SIRPG: variants seen among roughly 807,000 people sequenced by gnomAD.
The protein encoded by SIRPG is signal-regulatory protein gamma.
SIRPG carries 38 observed loss-of-function variants against 35.7 expected under a neutral mutation model. The ratio of observed to expected loss-of-function variants is 1.06; its 90% confidence interval spans 0.82 to 1.40. The LOEUF (loss-of-function observed/expected upper bound fraction) is 1.40, where lower values mean the gene tolerates loss of function less well. Ranked by LOEUF, SIRPG falls within the 40% of genes most tolerant of loss-of-function variation. The probability of loss-of-function intolerance (pLI) is 0.00; values close to 1 mark genes in which losing one functional copy is unlikely to be tolerated. For synonymous variants in SIRPG, 215 were observed against 190.4 expected, an observed-to-expected ratio of 1.13 and a Z score of -1.06; for missense variants, 519 against 483.0, an observed-to-expected ratio of 1.07 and a Z score of -0.70.
the SIRPG span, among the ~76,000 whole-genome samples, chr20:1,686,165 T>C: frequency 6.6e-6 from 1 of 152,202 alleles, no homozygotes; most frequent in Non-Finnish European, 1.5e-5. Context: ...CAGCTGCAGA[T>C]CCACAGAGAA....
rs114922972 is a variant in SIRPG, at chr20:1,635,490, C to T, written c.858G>A (p.Ser286=). 383 of 1,614,144 alleles carry T rather than the reference C, an allele frequency of 2.4e-4. No individual in the cohort carries two copies. The African/African-American group carries it at 4.7e-3, about 20-fold the overall frequency. The stretch of plus-strand genomic sequence containing the variant: ...CTCTCTGGCACACGTTTCCATTCTC[C>T]GACCAGGTCAGCTGTAGGCTCTGGG... ...FYPQSLQLTW[S]ENGNVCQRET... The change falls in exon 4 of 6, where the codon TCG becomes TCA. Residue 286 remains serine, a synonymous_variant. Transcript: ENST00000303415.
At chr20:1,647,521 T>C (rs1363359854) in intron 2 of SIRPG, 1 of 152,138 alleles carries the variant, frequency 6.6e-6, no homozygotes, top group African/African-American at 2.4e-5. Flanking sequence ...TATATGAAAA[T>C]ACACACACCC....
the SIRPG span, among the ~76,000 whole-genome samples, chr20:1,685,119 G>A: frequency 1.3e-5 from 2 of 152,218 alleles, no homozygotes; most frequent in Non-Finnish European, 2.9e-5. Flanking sequence ...GTGAGGACAG[G>A]CAGCCTGTCT....
the SIRPG span, among the ~76,000 whole-genome samples, chr20:1,674,105 G>A: frequency 6.6e-6 from 1 of 152,194 alleles, no homozygotes; most frequent in Non-Finnish European, 1.5e-5. Flanking sequence ...TTTTGCTAGG[G>A]GGCTGTGTAT....
At chr20:1,648,829 A>G (rs2091916482) in intron 2 of SIRPG, among the ~76,000 whole-genome samples, 1 of 152,114 alleles carries the variant, frequency 6.6e-6, no homozygotes, top group African/African-American at 2.4e-5. Context: ...AGCCAGACAG[A>G]TTGAAGATGT....
chr20:1,651,647 G>T (rs538682207), intron 1 of SIRPG, among the ~76,000 whole-genome samples: 6 of 152,220 alleles, frequency 3.9e-5, no homozygotes, highest in Non-Finnish European at 8.8e-5. Flanking sequence ...AACCGGGGTA[G>T]CAAATTCCTA....
chr20:1,676,593 T>C, the SIRPG span: 3 of 152,690 alleles, frequency 2.0e-5, no homozygotes, highest in Non-Finnish European at 2.9e-5. Flanking sequence ...GGGAAACCGA[T>C]GAAAAGGAGA....
At chr20:1,665,126 AG>A in the SIRPG span, among the ~76,000 whole-genome samples, 1 of 152,128 alleles carries the variant, frequency 6.6e-6, no homozygotes, top group Admixed American at 6.5e-5. Flanking sequence ...AGCCTCTTAG[AG>A]GGTTTCCTGA....
In SIRPG at chr20:1,649,085, T is replaced by TA; in HGVS notation, c.396dup (p.Lys133Ter). Reference sequence around the variant, plus strand: ...GCCATCTCAGTGCCTGGTCCAGACTTAAACTCCACGTTCTCAGGGCTCCCT... The same window carrying TA: ...GCCATCTCAGTGCCTGGTCCAGACTTAAAACTCCACGTTCTCAGGGCTCCCT... On this transcript the variant is annotated frameshift_variant, in exon 2 of 6. Coordinates refer to ENST00000303415, the MANE Select transcript of SIRPG (RefSeq NM_018556.4). LOFTEE classifies it high-confidence loss of function. 6.2e-7 allele frequency: 1 copy of TA among 1,613,932 alleles called. No individual in the cohort carries two copies. Among genetic ancestry groups the TA allele is most frequent in the Non-Finnish European group, 8.5e-7 (1 of 1,179,842 alleles).
At chr20:1,655,523 G>T (rs181093383) in intron 1 of SIRPG, among the ~76,000 whole-genome samples, 4 of 152,138 alleles carry the variant, frequency 2.6e-5, no homozygotes, top group Admixed American at 1.3e-4. Flanking sequence ...GGGCTAGAGA[G>T]GGGGTGTAGT....
chr20:1,669,665 G>T, the SIRPG span, among the ~76,000 whole-genome samples: 2 of 152,118 alleles, frequency 1.3e-5, no homozygotes, highest in African/African-American at 4.8e-5. Flanking sequence ...CAAAACACAG[G>T]ACTCCATGAG....
At chr20:1,658,534 G>A (rs909338757), upstream of SIRPG, among the ~76,000 whole-genome samples, 8 of 152,200 alleles carry the variant, frequency 5.3e-5, no homozygotes, top group Admixed American at 2.6e-4. Flanking sequence ...CACTGAGTTC[G>A]GATGGGAAAT....
intron 3 of SIRPG, 87 bp from the exon 4 acceptor site, chr20:1,635,686 T>TCCTCACC: frequency 7.3e-7 from 1 of 1,378,206 alleles, no homozygotes; most frequent in East Asian, 2.3e-5. Flanking sequence ...ACTACCACGG[T>TCCTCACC]GAGGGCATCA....
chr20:1,640,001 C>G (rs1015969411), intron 2 of SIRPG, among the ~76,000 whole-genome samples: 4 of 152,156 alleles, frequency 2.6e-5, no homozygotes, highest in Non-Finnish European at 5.9e-5. Context: ...GGTACAAGTA[C>G]CATGCTGTTT....
Position 1,653,850 on chromosome 20 carries a change from T to C in SIRPG, c.73+3792A>G, listed in dbSNP as rs774872606. Reference sequence around the variant, plus strand: ...TTAAAATTCTGTGTGTGTTTCAGCATGGTCACATGAGATTTATCTCAGGAA... The same window carrying C: ...TTAAAATTCTGTGTGTGTTTCAGCACGGTCACATGAGATTTATCTCAGGAA... On this transcript the variant is annotated intron_variant, in intron 1 of 5. Transcript: ENST00000303415. Among the ~76,000 whole-genome samples the C allele has an allele frequency of 4.6e-5, 7 of 152,194 alleles. 1 individual carries two copies. Among genetic ancestry groups the C allele is most frequent in the Admixed American group, 4.6e-4 (7 of 15,282 alleles).
At chr20:1,685,784 C>G in the SIRPG span, among the ~76,000 whole-genome samples, 1 of 152,140 alleles carries the variant, frequency 6.6e-6, no homozygotes, top group Non-Finnish European at 1.5e-5. Flanking sequence ...GGCTGAACAT[C>G]CCCGGGAAAC....
At chr20:1,680,579 A>G in the SIRPG span, among the ~76,000 whole-genome samples, 2 of 152,340 alleles carry the variant, frequency 1.3e-5, no homozygotes. Context: ...AGCAAACTGA[A>G]TTGAATAGCA....
the SIRPG span, among the ~76,000 whole-genome samples, chr20:1,685,326 G>T: frequency 6.6e-6 from 1 of 152,176 alleles, no homozygotes; most frequent in African/African-American, 2.4e-5. Flanking sequence ...GAATTTGACT[G>T]TATTTGGAGA....
At chr20:1,677,651 AT>A in the SIRPG span, among the ~76,000 whole-genome samples, 2 of 152,302 alleles carry the variant, frequency 1.3e-5, no homozygotes, top group East Asian at 1.9e-4. Context: ...AACAAAAGAA[AT>A]GTATCATATT....
Sources: gnomAD v4.1 joint callset for allele counts (sites outside exome capture counted in the v4.1 genomes callset) on GRCh38, gnomAD v4.1.1 for gene constraint, MANE v1.5 for transcripts, NCBI Gene and HGNC (gene_info 2026-07-23, HGNC 2026-07-21) for gene names.